Variants in KCTD16 observed in about 807,000 individuals in gnomAD.
KCTD16 encodes the protein BTB/POZ domain-containing protein KCTD16.
KCTD16 carries 13 observed loss-of-function variants against 33.2 expected under a neutral mutation model. The observed-to-expected ratio is 0.39, with a 90% CI of 0.25 to 0.62. The LOEUF is 0.62. Ranked by LOEUF, KCTD16 falls within the 20% of genes least tolerant of loss-of-function variation. The pLI is 0.50. For synonymous variants in KCTD16, 197 were observed against 195.3 expected (o/e 1.01, Z -0.07); for missense variants, 441 against 525.1 (o/e 0.84, Z 1.57).
chr5:144,407,926 T>C (rs57035091), intron 3 of KCTD16, among the ~76,000 whole-genome samples: 2,014 of 152,380 alleles, frequency 0.013, 39 homozygotes, highest in African/African-American at 0.045. Flanking sequence ...TGCTACATTT[T>C]CTTTATCCAG....
At chr5:144,210,424 C>T (rs552079201) in intron 3 of KCTD16, among the ~76,000 whole-genome samples, 3 of 152,220 alleles carry the variant, frequency 2.0e-5, no homozygotes, top group African/African-American at 7.2e-5. Flanking sequence ...GATAGAGGAA[C>T]ATAGAAAAGA....
chr5:144,408,548 A>G (rs1036250383), intron 3 of KCTD16, among the ~76,000 whole-genome samples: 3 of 152,178 alleles, frequency 2.0e-5, no homozygotes, highest in African/African-American at 7.2e-5. Flanking sequence ...AATTCCCCAA[A>G]TTTTCACCCT....
intron 3 of KCTD16, among the ~76,000 whole-genome samples, chr5:144,413,874 C>A (rs1752987200): frequency 6.6e-6 from 1 of 152,048 alleles, no homozygotes; most frequent in Non-Finnish European, 1.5e-5. Context: ...ATCTGGAGAA[C>A]CAGGTTCTGG....
At chr5:144,369,507 A>G (rs1053724759) in intron 3 of KCTD16, 1 of 152,134 alleles carries the variant, frequency 6.6e-6, no homozygotes, top group African/African-American at 2.4e-5. Context: ...CTATTACTAT[A>G]TGATTATTTA....
intron 3 of KCTD16, among the ~76,000 whole-genome samples, chr5:144,451,446 T>C (rs1580975334): frequency 6.6e-6 from 1 of 152,202 alleles, no homozygotes; most frequent in South Asian, 2.1e-4. Flanking sequence ...TGTTTCTGCC[T>C]CTCCAAGACA....
intron 3 of KCTD16, among the ~76,000 whole-genome samples, chr5:144,323,245 G>A (rs1056647168): frequency 3.3e-5 from 5 of 152,104 alleles, no homozygotes; most frequent in African/African-American, 7.2e-5. Context: ...CAACTGGGGC[G>A]CTAAAAAGCC....
chr5:144,433,050 G>A (rs1431433761), intron 3 of KCTD16, among the ~76,000 whole-genome samples: 1 of 152,068 alleles, frequency 6.6e-6, no homozygotes, highest in South Asian at 2.1e-4. Context: ...GCAGAACCAC[G>A]TGTGTACCTA....
At chr5:144,297,381 G>C (rs991289769) in intron 3 of KCTD16, among the ~76,000 whole-genome samples, 2 of 152,160 alleles carry the variant, frequency 1.3e-5, no homozygotes, top group Non-Finnish European at 2.9e-5. Context: ...CTGAAGTCAG[G>C]ATGGGTTCAG....
At chr5:144,268,328 AGCCCTTCCCCCTCCATCT>A (rs1311259275) in intron 3 of KCTD16, among the ~76,000 whole-genome samples, 1 of 152,240 alleles carries the variant, frequency 6.6e-6, no homozygotes, top group African/African-American at 2.4e-5. Context: ...TATTGTTGAC[AGCCCTTCCCCCTCCATCT>A]GAGGTGACCT....
intron 3 of KCTD16, among the ~76,000 whole-genome samples, chr5:144,272,757 T>A (rs1240733614): frequency 6.6e-6 from 1 of 152,164 alleles, no homozygotes; most frequent in African/African-American, 2.4e-5. Context: ...CAAATGGTTC[T>A]GAGAAAATTG....
chr5:144,242,582 A>G (rs1311195385), intron 3 of KCTD16, among the ~76,000 whole-genome samples: 2 of 152,168 alleles, frequency 1.3e-5, no homozygotes, highest in Admixed American at 1.3e-4. Flanking sequence ...ATAAAGAAAT[A>G]CTTAAGCCTG....
intron 3 of KCTD16, among the ~76,000 whole-genome samples, chr5:144,270,044 TAAAAG>T (rs1275072593): frequency 1.3e-5 from 2 of 151,662 alleles, no homozygotes; most frequent in Non-Finnish European, 2.9e-5. Flanking sequence ...CAACTAATTA[TAAAAG>T]AAAACAGTAA....
chr5:144,335,506 G>C (rs1752463828), intron 3 of KCTD16, among the ~76,000 whole-genome samples: 1 of 152,090 alleles, frequency 6.6e-6, no homozygotes, highest in East Asian at 1.9e-4. Context: ...GAGTAAAGCT[G>C]TCCTTTTCCT....
At chr5:144,414,684 A>G (rs1021341143) in intron 3 of KCTD16, among the ~76,000 whole-genome samples, 1 of 152,196 alleles carries the variant, frequency 6.6e-6, no homozygotes, top group African/African-American at 2.4e-5. Flanking sequence ...AATGCAGTAG[A>G]TATTTGTCAT....
At chr5:144,313,005 G>A (rs529795985) in intron 3 of KCTD16, among the ~76,000 whole-genome samples, 97 of 152,338 alleles carry the variant, frequency 6.4e-4, no homozygotes, top group African/African-American at 2.3e-3. Context: ...ACGAAGAGTG[G>A]TAGTGGTAGT....
At chr5:144,356,059 T>A (rs1751563366) in intron 3 of KCTD16, among the ~76,000 whole-genome samples, 1 of 152,172 alleles carries the variant, frequency 6.6e-6, no homozygotes. Context: ...GTTTCATATG[T>A]GATTGTCTTA....
intron 3 of KCTD16, among the ~76,000 whole-genome samples, chr5:144,303,954 G>A (rs1269102404): frequency 1.3e-5 from 2 of 152,162 alleles, no homozygotes. Context: ...CACACTTAAA[G>A]ATATCCTGGC....
At chr5:144,406,306 T>C (rs530719756) in intron 3 of KCTD16, among the ~76,000 whole-genome samples, 1 of 152,324 alleles carries the variant, frequency 6.6e-6, no homozygotes, top group East Asian at 1.9e-4. Context: ...GTTAGTTAGT[T>C]CCTTACTTTG....
intron 3 of KCTD16, among the ~76,000 whole-genome samples, chr5:144,465,983 C>T (rs1357870887): frequency 5.9e-5 from 9 of 151,850 alleles, no homozygotes; most frequent in Admixed American, 1.3e-4. Context: ...GGATTACAGG[C>T]GTCTGCCACC....
Sources: allele counts gnomAD v4.1 joint callset (sites outside exome capture counted in the v4.1 genomes callset), GRCh38; gene constraint gnomAD v4.1.1; transcripts MANE v1.5; gene names NCBI Gene and HGNC (gene_info 2026-07-23, HGNC 2026-07-21).